The following TNNI3K variants were observed in gnomAD, a reference collection of about 807,000 sequenced individuals.
TNNI3K encodes serine/threonine-protein kinase TNNI3K.
A neutral mutation model predicts 114.5 loss-of-function variants in TNNI3K; 140 were observed. That is an observed-to-expected ratio of 1.22 (90% CI 1.07 to 1.41). The LOEUF (loss-of-function observed/expected upper bound fraction) is 1.41, where lower values mean the gene tolerates loss of function less well. Among genes scored for constraint, TNNI3K ranks in the 40% most tolerant of loss-of-function variants. The pLI, the probability that TNNI3K is intolerant of heterozygous loss-of-function variation, is 0.00. For synonymous variants in TNNI3K, 347 were observed against 347.5 expected, an observed-to-expected ratio of 1.00 and a Z score of 0.02; for missense variants, 1,125 against 1,007.6, an observed-to-expected ratio of 1.12 and a Z score of -1.58.
At chr1:74,404,093 A>G (rs1047200402) in intron 17 of TNNI3K, among the ~76,000 whole-genome samples, 2 of 152,154 alleles carry the variant, frequency 1.3e-5, no homozygotes, top group Non-Finnish European at 2.9e-5. Context: ...TTGGATATAG[A>G]TTGTAAGAAG....
At chr1:74,365,886 A>G (rs1347088675) in intron 11 of TNNI3K, among the ~76,000 whole-genome samples, 2 of 152,014 alleles carry the variant, frequency 1.3e-5, no homozygotes, top group African/African-American at 4.8e-5. Flanking sequence ...AAGAAAATAG[A>G]CACTAGTTTT....
intron 23 of TNNI3K, among the ~76,000 whole-genome samples, chr1:74,536,068 C>T (rs1490949146): frequency 6.6e-6 from 1 of 152,056 alleles, no homozygotes; most frequent in Non-Finnish European, 1.5e-5. Flanking sequence ...TAAATCATTC[C>T]TTTCTGAAGC....
At chr1:74,298,538 C>G (rs969234670) in intron 5 of TNNI3K, among the ~76,000 whole-genome samples, 7 of 151,966 alleles carry the variant, frequency 4.6e-5, no homozygotes, top group Admixed American at 3.9e-4. Flanking sequence ...TTAAATCATC[C>G]AAATTTTGAG....
At chr1:74,326,955 A>G (rs1659939720) in intron 5 of TNNI3K, among the ~76,000 whole-genome samples, 1 of 151,664 alleles carries the variant, frequency 6.6e-6, no homozygotes, top group Non-Finnish European at 1.5e-5. Context: ...GTGGTGCACA[A>G]CTGTAGTCCC....
intron 5 of TNNI3K, among the ~76,000 whole-genome samples, chr1:74,309,035 T>C (rs932589706): frequency 3.3e-5 from 5 of 152,008 alleles, no homozygotes; most frequent in African/African-American, 1.2e-4. Context: ...TAAAAAGCAC[T>C]GGACCAGACA....
chr1:74,440,428 A>G (rs1054842764), intron 20 of TNNI3K, among the ~76,000 whole-genome samples: 2 of 152,118 alleles, frequency 1.3e-5, no homozygotes, highest in Non-Finnish European at 2.9e-5. Context: ...CCACCCTACA[A>G]CAATATATAA....
intron 21 of TNNI3K, chr1:74,470,452 T>C: frequency 2.5e-6 from 1 of 400,694 alleles, no homozygotes; most frequent in Non-Finnish European, 4.4e-6. Context: ...GTCAATTCCT[T>C]TTTCGCTACT....
At chr1:74,291,098 G>A (rs894961293) in intron 5 of TNNI3K, among the ~76,000 whole-genome samples, 2 of 151,396 alleles carry the variant, frequency 1.3e-5, no homozygotes, top group Admixed American at 6.6e-5. Context: ...CTAGTTCCCC[G>A]GAGAATCTTC....
intron 7 of TNNI3K, among the ~76,000 whole-genome samples, chr1:74,338,888 A>G (rs1473499226): frequency 6.6e-6 from 1 of 152,132 alleles, no homozygotes; most frequent in Non-Finnish European, 1.5e-5. Flanking sequence ...GATGTAAGGA[A>G]TGCTGTTCCT....
chr1:74,388,806 C>T (rs949853145), intron 17 of TNNI3K, among the ~76,000 whole-genome samples: 6 of 152,094 alleles, frequency 3.9e-5, no homozygotes, highest in Non-Finnish European at 8.8e-5. Flanking sequence ...CTCATACTAA[C>T]CTTCCATACT....
chr1:74,255,276 C>A lies in TNNI3K; in HGVS notation c.333+4507C>A, dbSNP rs958709421. Among the ~76,000 whole-genome samples, 319 of 150,050 alleles carry A rather than the reference C, an allele frequency of 2.1e-3. 2 individuals carry two copies. The highest frequency in any genetic ancestry group is 7.2e-3 in the African/African-American group (293 of 40,942). On this transcript the variant is annotated intron_variant, in intron 4 of 24. Coordinates refer to ENST00000326637, the MANE Select transcript of TNNI3K (RefSeq NM_015978.3). The stretch of plus-strand genomic sequence containing the variant: ...GGCTGAGGCGGGAGAATGGCGTGAA[C>A]CCGGGAGGCGGAGCTTGCAGTGAGC...
intron 9 of TNNI3K, among the ~76,000 whole-genome samples, chr1:74,343,397 G>T (rs1660847527): frequency 6.6e-6 from 1 of 152,196 alleles, no homozygotes; most frequent in Non-Finnish European, 1.5e-5. Flanking sequence ...GGAGCCAGAT[G>T]CTGTGTTCCT....
At chr1:74,424,603 C>T (rs1396500834) in intron 17 of TNNI3K, among the ~76,000 whole-genome samples, 3 of 151,314 alleles carry the variant, frequency 2.0e-5, no homozygotes, top group Non-Finnish European at 4.4e-5. Flanking sequence ...CCTGAAATTC[C>T]CACTTCTTGA....
chr1:74,387,015 C>T (rs1015073817), intron 17 of TNNI3K, among the ~76,000 whole-genome samples: 3 of 152,228 alleles, frequency 2.0e-5, no homozygotes, highest in African/African-American at 7.2e-5. Flanking sequence ...GTTAAAATTT[C>T]TATAGACAGG....
chr1:74,511,262 G>A (rs773075107), intron 23 of TNNI3K, among the ~76,000 whole-genome samples: 2 of 151,348 alleles, frequency 1.3e-5, no homozygotes, highest in African/African-American at 4.9e-5. Flanking sequence ...GTGCGATCTC[G>A]GCTCACCACA....
chr1:74,283,951 C>G (rs1657167085), intron 5 of TNNI3K, among the ~76,000 whole-genome samples: 1 of 152,098 alleles, frequency 6.6e-6, no homozygotes, highest in Non-Finnish European at 1.5e-5. Context: ...TTTTTGCACA[C>G]CATACTCCTT....
intron 23 of TNNI3K, among the ~76,000 whole-genome samples, chr1:74,538,446 G>A (rs1384269918): frequency 1.3e-5 from 2 of 152,134 alleles, no homozygotes; most frequent in African/African-American, 4.8e-5. Flanking sequence ...ACCAGGCACT[G>A]TTCTGAGTGT....
intron 17 of TNNI3K, among the ~76,000 whole-genome samples, chr1:74,435,301 A>G (rs1347798227): frequency 6.6e-6 from 1 of 152,076 alleles, no homozygotes; most frequent in African/African-American, 2.4e-5. Flanking sequence ...ATTGAGGTAT[A>G]ATTAACAAAT....
chr1:74,395,757 C>T (rs1304437217), intron 17 of TNNI3K, among the ~76,000 whole-genome samples: 1 of 152,098 alleles, frequency 6.6e-6, no homozygotes, highest in Non-Finnish European at 1.5e-5. Context: ...AAAGCTCAGA[C>T]ACAGAGACTA....
Sources: gnomAD v4.1 joint callset for allele counts (sites outside exome capture counted in the v4.1 genomes callset) on GRCh38, gnomAD v4.1.1 for gene constraint, MANE v1.5 for transcripts, NCBI Gene and HGNC (gene_info 2026-07-23, HGNC 2026-07-21) for gene names.